ZDHHC11B: variants seen among roughly 807,000 people sequenced by gnomAD.
ZDHHC11B encodes probable palmitoyltransferase ZDHHC11B.
Under a neutral mutation model 42.3 loss-of-function variants are expected in ZDHHC11B, and 17 were observed. The ratio of observed to expected loss-of-function variants is 0.40; its 90% CI spans 0.27 to 0.60. The LOEUF is 0.60. Ranked by LOEUF, ZDHHC11B falls within the 20% of genes least tolerant of loss-of-function variation. The pLI, the probability that ZDHHC11B is intolerant of heterozygous loss-of-function variation, is 0.41. For synonymous variants in ZDHHC11B, 123 were observed against 193.5 expected, an observed-to-expected ratio of 0.64 and a Z score of 3.02; for missense variants, 262 against 463.2, an observed-to-expected ratio of 0.57 and a Z score of 3.99.
At chr5:778,001 G>A (rs1736683367) in intron 1 of ZDHHC11B, among the ~76,000 whole-genome samples, 1 of 151,940 alleles carries the variant, frequency 6.6e-6, no homozygotes, top group Non-Finnish European at 1.5e-5. Flanking sequence ...GAGAATTTGA[G>A]CATGGCGCAG....
rs868357527 is a variant in ZDHHC11B at position 745,679 on chromosome 5, G to A, written c.785-381C>T. ...TCCAGATGCCCTGGGATTGCTGGCA[G>A]GGGTAAGAGGCCAGCTCAGGAGGGG... On this transcript the variant is annotated intron_variant, in intron 8 of 13. Transcript: ENST00000508859. 7.3e-5 allele frequency among the ~76,000 whole-genome samples: 11 copies of A among 150,156 alleles called. 1 individual carries two copies. Among genetic ancestry groups the A allele is most frequent in the Admixed American group, 2.0e-4 (3 of 14,914 alleles).
intron 12 of ZDHHC11B, among the ~76,000 whole-genome samples, chr5:719,871 T>C (rs1212301393): frequency 6.6e-6 from 1 of 151,802 alleles, no homozygotes; most frequent in Non-Finnish European, 1.5e-5. Flanking sequence ...AGTTTTAAAT[T>C]GTGTGTAGTT....
At chr5:778,330 T>C (rs1406451185) in intron 1 of ZDHHC11B, among the ~76,000 whole-genome samples, 1 of 151,320 alleles carries the variant, frequency 6.6e-6, no homozygotes, top group Non-Finnish European at 1.5e-5. Context: ...CCTGCCTCCA[T>C]TAAAGGCACC....
chr5:759,828 A>C (rs1287990253), intron 4 of ZDHHC11B, among the ~76,000 whole-genome samples: 4 of 151,852 alleles, frequency 2.6e-5, no homozygotes, highest in South Asian at 2.1e-4. Context: ...CTGGGAGGTC[A>C]CTTCCCAGAG....
At position 722,115 on chromosome 5, in the gene ZDHHC11B, A is replaced by G. The variant is rs965233523; in HGVS notation, c.1059-5250T>C. 6.6e-5 allele frequency among the ~76,000 whole-genome samples: 10 copies of G among 151,874 alleles called. 1 individual carries two copies. The highest frequency in any genetic ancestry group is 2.2e-4 in the African/African-American group (9 of 41,272). On this transcript the variant is annotated intron_variant, in intron 12 of 13. Transcript: ENST00000508859. ...AAAATCAAAACTGAAAACCCTTAGT[A>G]GAAATAATAGATGGCTATCTTTTGG...
intron 7 of ZDHHC11B, among the ~76,000 whole-genome samples, chr5:748,953 GTGCCTACCCCTTCCTAAGTGCTGGGGT>G (rs1745225021): frequency 2.2e-5 from 2 of 89,214 alleles, no homozygotes; most frequent in Admixed American, 1.4e-4. Flanking sequence ...CGGGGTCACA[GTGCCTACCCCTTCCTAAGTGCTGGGGT>G]CACAGCACCC....
At chr5:714,999 C>A (rs1277261450) in intron 13 of ZDHHC11B, among the ~76,000 whole-genome samples, 1 of 150,814 alleles carries the variant, frequency 6.6e-6, no homozygotes, top group African/African-American at 2.4e-5. Context: ...GATCTCTGCA[C>A]ATGTCAGCTC....
chr5:773,932 C>T (rs1167855058), intron 1 of ZDHHC11B, among the ~76,000 whole-genome samples: 1 of 152,008 alleles, frequency 6.6e-6, no homozygotes, highest in East Asian at 1.9e-4. Context: ...TCAAAACAGG[C>T]TTGAAGAGGA....
chr5:718,359 G>C (rs1354012350), intron 12 of ZDHHC11B, among the ~76,000 whole-genome samples: 1 of 151,726 alleles, frequency 6.6e-6, no homozygotes, highest in Non-Finnish European at 1.5e-5. Context: ...AGTCAGACAT[G>C]TATGGGAGAG....
At chr5:742,488 A>T (rs2335619) in intron 9 of ZDHHC11B, among the ~76,000 whole-genome samples, 51,758 of 78,266 alleles carry the variant, frequency 0.66, 17,949 homozygotes, top group Middle Eastern at 0.8. Context: ...ACTTCACAGA[A>T]ACTGTTTTTT....
rs563151331 is a variant in ZDHHC11B, at chr5:765,499, A to G, written c.222+1199T>C. The stretch of plus-strand genomic sequence containing the variant: ...AAACGGACCAATCAGCTCTCTGTAA[A>G]ACAGACCAATCAGCTCTCTGTAAAA... On this transcript the variant is annotated intron_variant, in intron 4 of 13. Transcript: ENST00000508859. 4.6e-3 allele frequency among the ~76,000 whole-genome samples: 699 copies of G among 151,946 alleles called. 31 individuals are homozygous for G. The highest frequency in any genetic ancestry group is 6.2e-3 in the Non-Finnish European group (421 of 67,878).
chr5:717,952 G>A (rs1164950691), intron 12 of ZDHHC11B, among the ~76,000 whole-genome samples: 1 of 151,846 alleles, frequency 6.6e-6, no homozygotes, highest in Admixed American at 6.6e-5. Flanking sequence ...TGCAGGGGGA[G>A]CAGTAGTCTT....
At chr5:778,060 G>A (rs74315771) in intron 1 of ZDHHC11B, among the ~76,000 whole-genome samples, 1,985 of 151,404 alleles carry the variant, frequency 0.013, 20 homozygotes, top group African/African-American at 0.019. Context: ...AGCCACCGTA[G>A]GACAGAGGGG....
At chr5:774,896 G>C (rs367768927) in intron 1 of ZDHHC11B, among the ~76,000 whole-genome samples, 2 of 152,004 alleles carry the variant, frequency 1.3e-5, no homozygotes, top group Non-Finnish European at 2.9e-5. Context: ...ACGCCCACGC[G>C]GGGGTGGCGC....
intron 4 of ZDHHC11B, among the ~76,000 whole-genome samples, chr5:762,392 C>T (rs1276387859): frequency 6.6e-6 from 1 of 151,904 alleles, no homozygotes; most frequent in African/African-American, 2.4e-5. Context: ...ACAGTCAGCA[C>T]CCACGTCTCT....
At chr5:729,429 T>A (rs1375524730) in intron 12 of ZDHHC11B, among the ~76,000 whole-genome samples, 15 of 150,450 alleles carry the variant, frequency 1.0e-4, no homozygotes, top group Non-Finnish European at 1.3e-4. Flanking sequence ...GCTTCCCCTG[T>A]GGGGCCGGCT....
At chr5:750,311 A>G (rs373515) in intron 7 of ZDHHC11B, among the ~76,000 whole-genome samples, 80,676 of 123,524 alleles carry the variant, frequency 0.65, 26,415 homozygotes, top group Admixed American at 0.71. Context: ...AGGACAGTTG[A>G]GCGCGCTGCC....
intron 4 of ZDHHC11B, among the ~76,000 whole-genome samples, chr5:765,168 C>G (rs1360896316): frequency 3.3e-5 from 5 of 149,364 alleles, no homozygotes; most frequent in African/African-American, 1.2e-4. Context: ...AATCAGCACT[C>G]TGTATCTAGC....
intron 4 of ZDHHC11B, 51 bp from the exon 5 acceptor site, chr5:756,195 G>A: frequency 6.9e-7 from 1 of 1,457,176 alleles, no homozygotes; most frequent in South Asian, 1.3e-5. Context: ...CCTGGCATGA[G>A]GCGTCCCCGT....
Sources: allele counts gnomAD v4.1 joint callset (sites outside exome capture counted in the v4.1 genomes callset), GRCh38; gene constraint gnomAD v4.1.1; transcripts MANE v1.5; gene names NCBI Gene and HGNC (gene_info 2026-07-23, HGNC 2026-07-21).